The following SUPT3H variants were observed in gnomAD, a reference collection of about 807,000 sequenced individuals.
SUPT3H encodes the protein transcription initiation protein SPT3 homolog.
SUPT3H carries 44 observed loss-of-function variants against 44.3 expected under a neutral mutation model. The observed-to-expected ratio is 0.99, with a 90% CI of 0.78 to 1.28. The LOEUF is 1.28. Ranked by LOEUF, SUPT3H falls within the 50% of genes most tolerant of loss-of-function variation. The pLI is 0.00. For missense variants in SUPT3H, 380 were observed against 387.1 expected (o/e 0.98, Z 0.15); for synonymous variants, 124 against 125.6 (o/e 0.99, Z 0.09).
chr6:44,982,308 C>G (rs1266272989), intron 6 of SUPT3H, among the ~76,000 whole-genome samples: 2 of 152,146 alleles, frequency 1.3e-5, no homozygotes, highest in Admixed American at 1.3e-4. Flanking sequence ...ACTGCAAGCT[C>G]TGCCTCCTGG....
chr6:45,182,602 G>T (rs1364053965), intron 2 of SUPT3H, among the ~76,000 whole-genome samples: 1 of 152,104 alleles, frequency 6.6e-6, no homozygotes, highest in East Asian at 1.9e-4. Context: ...AGCAGTTTTA[G>T]GTTCACTGCA....
intron 3 of SUPT3H, among the ~76,000 whole-genome samples, chr6:45,058,718 T>C (rs1791512692): frequency 6.6e-6 from 1 of 152,092 alleles, no homozygotes; most frequent in Non-Finnish European, 1.5e-5. Context: ...TATGATTCAT[T>C]ATCCCTTCCC....
At chr6:45,176,099 G>A (rs952775657) in intron 2 of SUPT3H, among the ~76,000 whole-genome samples, 12 of 152,136 alleles carry the variant, frequency 7.9e-5, no homozygotes, top group African/African-American at 1.9e-4. Flanking sequence ...GAACAGCTCT[G>A]GTCTACAGCT....
intron 10 of SUPT3H, among the ~76,000 whole-genome samples, chr6:44,853,303 A>G (rs1773194669): frequency 6.6e-6 from 1 of 152,178 alleles, no homozygotes; most frequent in African/African-American, 2.4e-5. Flanking sequence ...TCTACGTTGT[A>G]CTGGCCTTTG....
At chr6:45,183,057 A>G (rs1013821857) in intron 2 of SUPT3H, among the ~76,000 whole-genome samples, 13 of 152,228 alleles carry the variant, frequency 8.5e-5, no homozygotes, top group African/African-American at 3.1e-4. Context: ...ATAAATAGCC[A>G]AAAGGTGGCA....
At chr6:45,357,335 T>C (rs889698462) in intron 2 of SUPT3H, among the ~76,000 whole-genome samples, 18 of 152,022 alleles carry the variant, frequency 1.2e-4, no homozygotes, top group African/African-American at 4.3e-4. Context: ...AGTACCTTTT[T>C]TATTTTTTAT....
chr6:45,008,495 C>T (rs137881009), intron 5 of SUPT3H, among the ~76,000 whole-genome samples: 6 of 152,178 alleles, frequency 3.9e-5, no homozygotes, highest in Non-Finnish European at 7.4e-5. Flanking sequence ...GCTGGGTCCA[C>T]AGGCACATGC....
At chr6:45,217,431 C>T (rs927925901) in intron 2 of SUPT3H, among the ~76,000 whole-genome samples, 3 of 150,554 alleles carry the variant, frequency 2.0e-5, no homozygotes, top group African/African-American at 4.9e-5. Flanking sequence ...GCCGACATCA[C>T]GCAACTGCAC....
chr6:45,370,082 G>C (rs1563041198), intron 1 of SUPT3H, among the ~76,000 whole-genome samples: 1 of 152,124 alleles, frequency 6.6e-6, no homozygotes. Flanking sequence ...AAATGTTTTA[G>C]GTTTAAAAAG....
chr6:44,916,842 C>T (rs1378435036), intron 10 of SUPT3H, among the ~76,000 whole-genome samples: 1 of 152,052 alleles, frequency 6.6e-6, no homozygotes, highest in Non-Finnish European at 1.5e-5. Flanking sequence ...TTAAAAGTTG[C>T]TAATTTGGGG....
At chr6:45,082,408 A>G (rs1170622973) in intron 3 of SUPT3H, among the ~76,000 whole-genome samples, 1 of 152,200 alleles carries the variant, frequency 6.6e-6, no homozygotes, top group African/African-American at 2.4e-5. Context: ...ACAAAATACT[A>G]GCAAACCAAG....
intron 2 of SUPT3H, among the ~76,000 whole-genome samples, chr6:45,165,731 G>A (rs555005218): frequency 1.3e-5 from 2 of 151,754 alleles, no homozygotes; most frequent in Admixed American, 6.6e-5. Context: ...CCTTATTAAC[G>A]GTAAGGACAT....
intron 2 of SUPT3H, among the ~76,000 whole-genome samples, chr6:45,188,626 A>T (rs748756752): frequency 6.6e-6 from 1 of 152,180 alleles, no homozygotes; most frequent in Non-Finnish European, 1.5e-5. Context: ...CTGTTACAAC[A>T]TTTGTAAATC....
At chr6:45,305,007 A>C (rs1376129382) in intron 2 of SUPT3H, among the ~76,000 whole-genome samples, 1 of 152,236 alleles carries the variant, frequency 6.6e-6, no homozygotes, top group East Asian at 1.9e-4. Context: ...TCCAATAGGA[A>C]TCACAGAGGA....
In SUPT3H at chr6:45,246,318, A is replaced by C. The variant is rs548774240; in HGVS notation, c.101+118883T>G. The stretch of plus-strand genomic sequence containing the variant: ...TTTTTCTTTCGTTACCTGTGTTTTT[A>C]GTATAATATCCAAGAAATCACTGCC... On this transcript the variant is annotated intron_variant, in intron 2 of 10. Coordinates refer to ENST00000371459, the MANE Select transcript of SUPT3H (RefSeq NM_003599.4). 8.5e-5 allele frequency among the ~76,000 whole-genome samples: 13 copies of C among 152,200 alleles called. No homozygotes were observed. In the South Asian group the frequency reaches 2.5e-3, roughly 29 times the overall value.
At chr6:45,301,630 T>A (rs747238197) in intron 2 of SUPT3H, among the ~76,000 whole-genome samples, 15 of 152,146 alleles carry the variant, frequency 9.9e-5, no homozygotes, top group Non-Finnish European at 1.9e-4. Flanking sequence ...TGTTTATAGC[T>A]ATGATTTGTA....
chr6:45,309,300 C>A (rs1783600425), intron 2 of SUPT3H, among the ~76,000 whole-genome samples: 1 of 150,630 alleles, frequency 6.6e-6, no homozygotes, highest in Non-Finnish European at 1.5e-5. Flanking sequence ...AAATGAAAAA[C>A]CTAATAGATT....
chr6:44,828,202 A>ATGTT lies in SUPT3H; in HGVS notation c.*1610_*1613dup, dbSNP rs1767986705. 6.6e-6 allele frequency among the ~76,000 whole-genome samples: 1 copy of ATGTT among 152,044 alleles called. No homozygotes were observed. Among genetic ancestry groups the ATGTT allele is most frequent in the African/African-American group, 2.4e-5 (1 of 41,418 alleles). On this transcript the variant is annotated 3_prime_UTR_variant, in exon 11 of 11. Transcript: ENST00000371459. Reference sequence around the variant, plus strand: ...CGTTTAAAAGTTAAGTTAAGTTAGGATGTTTACTGCAAGCTTGTAATTTTC... The same window carrying ATGTT: ...CGTTTAAAAGTTAAGTTAAGTTAGGATGTTTGTTTACTGCAAGCTTGTAATTTTC...
chr6:45,329,631 C>T (rs1418937127), intron 2 of SUPT3H, among the ~76,000 whole-genome samples: 1 of 151,818 alleles, frequency 6.6e-6, no homozygotes, highest in African/African-American at 2.4e-5. Flanking sequence ...GCTGTTTAGT[C>T]TCATGAAAAA....
Sources: gnomAD v4.1 joint callset for allele counts (sites outside exome capture counted in the v4.1 genomes callset) on GRCh38, gnomAD v4.1.1 for gene constraint, MANE v1.5 for transcripts, NCBI Gene and HGNC (gene_info 2026-07-23, HGNC 2026-07-21) for gene names.